HDAC4: variants seen among roughly 807,000 people sequenced by gnomAD.
HDAC4 encodes the protein histone deacetylase A.
Under a neutral mutation model 135.1 loss-of-function variants are expected in HDAC4, and 16 were observed. The ratio of observed to expected loss-of-function variants is 0.12; its 90% CI spans 0.08 to 0.18. The LOEUF (loss-of-function observed/expected upper bound fraction) is 0.18. Ranked by LOEUF, HDAC4 falls within the 10% of genes least tolerant of loss-of-function variation. The probability of loss-of-function intolerance (pLI) is 1.00; values close to 1 mark genes in which losing one functional copy is unlikely to be tolerated. For missense variants in HDAC4, 1,143 were observed against 1,511.8 expected (o/e 0.76, Z 4.05); for synonymous variants, 685 against 653.4 (o/e 1.05, Z -0.74).
chr2:239,333,845 A>G (rs1345248801), intron 2 of HDAC4, among the ~76,000 whole-genome samples: 3 of 152,222 alleles, frequency 2.0e-5, no homozygotes, highest in Admixed American at 6.5e-5. Flanking sequence ...CAGAACTTAT[A>G]GCAAATTTTA....
At chr2:239,197,562 TAGG>T (rs1259394283) in intron 3 of HDAC4, among the ~76,000 whole-genome samples, 3 of 152,186 alleles carry the variant, frequency 2.0e-5, no homozygotes, top group Non-Finnish European at 2.9e-5. Flanking sequence ...ACCCCTTGAG[TAGG>T]AGATCTCCCA....
At chr2:239,200,124 G>A (rs567973900) in intron 3 of HDAC4, among the ~76,000 whole-genome samples, 1 of 152,162 alleles carries the variant, frequency 6.6e-6, no homozygotes, top group Non-Finnish European at 1.5e-5. Flanking sequence ...TGGGGTAAGC[G>A]CTGTTATTGG....
chr2:239,399,491 T>C (rs553743932), intron 1 of HDAC4, among the ~76,000 whole-genome samples: 3 of 152,032 alleles, frequency 2.0e-5, no homozygotes, highest in African/African-American at 7.2e-5. Flanking sequence ...GTCCCGAAAA[T>C]AATGCACAGA....
intron 3 of HDAC4, among the ~76,000 whole-genome samples, chr2:239,195,513 A>G (rs1469512236): frequency 6.6e-6 from 1 of 152,220 alleles, no homozygotes; most frequent in Admixed American, 6.5e-5. Flanking sequence ...GATGAGAACC[A>G]CAATCGCATT....
chr2:239,176,642 C>G (rs1289441357), intron 4 of HDAC4, 79 bp from the exon 5 acceptor site: 2 of 1,359,354 alleles, frequency 1.5e-6, no homozygotes, highest in Non-Finnish European at 2.1e-6. Flanking sequence ...ACCCAAGAAA[C>G]CAGCCCAGGC....
intron 3 of HDAC4, among the ~76,000 whole-genome samples, chr2:239,202,650 G>C (rs143726539): frequency 1.3e-5 from 2 of 152,096 alleles, no homozygotes; most frequent in Admixed American, 1.3e-4. Flanking sequence ...CACCCTCCAC[G>C]CGGGAGGGGC....
At chr2:239,065,632 C>T in intron 24 of HDAC4, among the ~76,000 whole-genome samples, 1 of 152,186 alleles carries the variant, frequency 6.6e-6, no homozygotes, top group South Asian at 2.1e-4. Flanking sequence ...CTGGGGAGGG[C>T]AGTCCCAGAG....
At chr2:239,357,509 A>C (rs1422650652) in intron 1 of HDAC4, among the ~76,000 whole-genome samples, 1 of 152,048 alleles carries the variant, frequency 6.6e-6, no homozygotes, top group Non-Finnish European at 1.5e-5. Flanking sequence ...TGAAACTAAA[A>C]GCTGATTCTT....
chr2:239,106,674 T>C, intron 15 of HDAC4, among the ~76,000 whole-genome samples: 1 of 150,588 alleles, frequency 6.6e-6, no homozygotes, highest in East Asian at 1.9e-4. Flanking sequence ...CCAATAAAAC[T>C]GGTAAAGGAA....
chr2:239,078,054 G>A (rs975618918), intron 22 of HDAC4, among the ~76,000 whole-genome samples: 2 of 152,144 alleles, frequency 1.3e-5, no homozygotes, highest in Non-Finnish European at 2.9e-5. Flanking sequence ...TGGATGTGGC[G>A]CTCATCCCTG....
intron 1 of HDAC4, among the ~76,000 whole-genome samples, chr2:239,386,133 G>A (rs1210323844): frequency 6.6e-6 from 1 of 152,000 alleles, no homozygotes; most frequent in East Asian, 1.9e-4. Context: ...GGGCAGAGAA[G>A]GAAGGCTGAG....
chr2:239,210,396 G>A lies in HDAC4; in HGVS notation c.95-20319C>T, dbSNP rs1575417227. Among the ~76,000 whole-genome samples the A allele has an allele frequency of 2.6e-5, 4 of 152,316 alleles. No homozygotes were observed. In the South Asian group the frequency reaches 8.3e-4, roughly 32 times the overall value. The stretch of plus-strand genomic sequence containing the variant: ...TTTCGATTATTAAAAGCTCGGAAAA[G>A]CAAATCCAAACCGTATGCTGACTGA... On this transcript the variant is annotated intron_variant, in intron 3 of 26. Transcript: ENST00000543185.
chr2:239,320,493 T>C (rs2053273276), intron 2 of HDAC4, among the ~76,000 whole-genome samples: 1 of 151,744 alleles, frequency 6.6e-6, no homozygotes, highest in African/African-American at 2.4e-5. Context: ...TAGGTAAATC[T>C]AAATTTGCCA....
chr2:239,081,047 A>T (rs773232780), intron 22 of HDAC4, 48 bp downstream of exon 22: 4 of 1,413,738 alleles, frequency 2.8e-6, no homozygotes, highest in Non-Finnish European at 4.0e-6. Context: ...ATGTGTGCAC[A>T]GAGGAAAAGC....
At chr2:239,211,616 TG>T (rs1398427217) in intron 3 of HDAC4, among the ~76,000 whole-genome samples, 1 of 152,246 alleles carries the variant, frequency 6.6e-6, no homozygotes, top group African/African-American at 2.4e-5. Context: ...CTCCAATTCT[TG>T]GGACTTTGTC....
At position 239,136,304 on chromosome 2, in the gene HDAC4, G is replaced by A. The variant is rs568907633; in HGVS notation, c.979-1661C>T. Among the ~76,000 whole-genome samples the A allele has an allele frequency of 2.6e-5, 4 of 152,264 alleles. No homozygotes were observed. In the East Asian group the frequency reaches 7.7e-4, roughly 29 times the overall value. On this transcript the variant is annotated intron_variant, in intron 9 of 26. Coordinates refer to ENST00000543185, the MANE Select transcript of HDAC4 (RefSeq NM_001378414.1). ...GAGAAAATGCCATGTTTGTCTTTCT[G>A]TGCCTGGCTTAGTTCACTTAACATG... is the stretch of plus-strand genomic sequence containing the variant.
In HDAC4 at chr2:239,121,402, C is replaced by G. The variant is rs1010163799; in HGVS notation, c.1533+5054G>C. Among the ~76,000 whole-genome samples, 11 of 152,298 alleles carry G rather than the reference C, an allele frequency of 7.2e-5. No homozygotes were observed. The East Asian group carries it at 1.4e-3, about 19-fold the overall frequency. On this transcript the variant is annotated intron_variant, in intron 12 of 26. Coordinates refer to ENST00000543185, the MANE Select transcript of HDAC4 (RefSeq NM_001378414.1). The stretch of plus-strand genomic sequence containing the variant: ...CTTCCTGGGGGGCTGTTTCAGGGGC[C>G]CCAAGGCCACTGCAACCTGCCTGCC...
At chr2:239,087,679 T>G in intron 18 of HDAC4, 65 bp from the exon 19 acceptor site, 1 of 1,481,964 alleles carries the variant, frequency 6.7e-7, no homozygotes, top group Non-Finnish European at 9.4e-7. Flanking sequence ...CACGGGAAAA[T>G]GGTTGCACAC....
At chr2:239,236,566 G>T (rs201710105) in intron 3 of HDAC4, 27 bp downstream of exon 3, 71 of 1,542,474 alleles carry the variant, frequency 4.6e-5, no homozygotes, top group Middle Eastern at 1.7e-4. Flanking sequence ...AGGGCCGGCC[G>T]GACAGGGCAG....
Sources: allele counts gnomAD v4.1 joint callset (sites outside exome capture counted in the v4.1 genomes callset), GRCh38; gene constraint gnomAD v4.1.1; transcripts MANE v1.5; gene names NCBI Gene and HGNC (gene_info 2026-07-23, HGNC 2026-07-21).